The following ATE1 variants were observed in gnomAD, a reference collection of about 807,000 sequenced individuals.
ATE1 encodes arginyl-tRNA--protein transferase 1.
A neutral mutation model predicts 70.5 loss-of-function variants in ATE1; 36 were observed. The ratio of observed to expected loss-of-function variants is 0.51; its 90% CI spans 0.39 to 0.67. ATE1 has a LOEUF of 0.67. Ranked by LOEUF, ATE1 falls within the 30% of genes least tolerant of loss-of-function variation. The pLI, the probability that ATE1 is intolerant of heterozygous loss-of-function variation, is 0.00. For synonymous variants in ATE1, 232 were observed against 219.3 expected (o/e 1.06, Z -0.51); for missense variants, 593 against 629.5 (o/e 0.94, Z 0.62).
intron 11 of ATE1, among the ~76,000 whole-genome samples, chr10:121,770,566 T>C (rs1590250962): frequency 6.6e-6 from 1 of 152,258 alleles, no homozygotes; most frequent in Non-Finnish European, 1.5e-5. Context: ...TAAAGACGAA[T>C]TACTTCTTTG....
intron 3 of ATE1, among the ~76,000 whole-genome samples, chr10:121,916,628 G>C (rs1408502228): frequency 6.6e-6 from 1 of 152,140 alleles, no homozygotes; most frequent in Non-Finnish European, 1.5e-5. Flanking sequence ...GAGGTCAGGA[G>C]ATCAACACCA....
intron 10 of ATE1, among the ~76,000 whole-genome samples, chr10:121,825,684 A>C (rs1205510691): frequency 6.6e-6 from 1 of 152,198 alleles, no homozygotes; most frequent in Non-Finnish European, 1.5e-5. Flanking sequence ...AGAAAATAAC[A>C]AGTGCTGGTG....
chr10:121,780,239 C>T (rs1208585139), intron 11 of ATE1, among the ~76,000 whole-genome samples: 3 of 152,202 alleles, frequency 2.0e-5, no homozygotes, highest in Admixed American at 2.0e-4. Flanking sequence ...AAACCTGCTC[C>T]ACCTCCTGTT....
At chr10:121,770,477 T>C (rs372894131) in intron 11 of ATE1, among the ~76,000 whole-genome samples, 47 of 152,330 alleles carry the variant, frequency 3.1e-4, no homozygotes, top group Non-Finnish European at 5.7e-4. Context: ...AGCAAAACTA[T>C]AGCGTTTTAT....
At chr10:121,778,252 T>C (rs931112048) in intron 11 of ATE1, among the ~76,000 whole-genome samples, 8 of 152,166 alleles carry the variant, frequency 5.3e-5, no homozygotes, top group Admixed American at 2.0e-4. Flanking sequence ...GATCTTTTAG[T>C]GGGGTATGAA....
intron 7 of ATE1, among the ~76,000 whole-genome samples, chr10:121,893,345 G>A (rs971807552): frequency 6.6e-6 from 1 of 151,510 alleles, no homozygotes; most frequent in East Asian, 1.9e-4. Flanking sequence ...ACAATAACAT[G>A]GAGAAAATTA....
intron 1 of ATE1, 30 bp downstream of exon 1, chr10:121,927,814 T>C (rs1014879182): frequency 5.2e-6 from 8 of 1,536,150 alleles, no homozygotes; most frequent in Non-Finnish European, 6.1e-6. Flanking sequence ...GGCGCCCGGC[T>C]TCCCACGCCC....
At chr10:121,778,616 G>A (rs1356209711) in intron 11 of ATE1, among the ~76,000 whole-genome samples, 6 of 124,606 alleles carry the variant, frequency 4.8e-5, no homozygotes, top group East Asian at 2.6e-4. Flanking sequence ...CTGCTCTGTC[G>A]CCCAGGCTGG....
At chr10:121,789,839 C>T (rs1000649025) in intron 11 of ATE1, among the ~76,000 whole-genome samples, 1 of 152,090 alleles carries the variant, frequency 6.6e-6, no homozygotes, top group African/African-American at 2.4e-5. Flanking sequence ...CTAAATAATC[C>T]ATCTAGCAGA....
chr10:121,914,299 T>C (rs1168018328), intron 3 of ATE1, among the ~76,000 whole-genome samples: 1 of 151,930 alleles, frequency 6.6e-6, no homozygotes, highest in East Asian at 1.9e-4. Flanking sequence ...ACTCCTGAAC[T>C]CGTGATCCAC....
intron 10 of ATE1, among the ~76,000 whole-genome samples, chr10:121,801,659 T>C (rs1361059134): frequency 1.3e-5 from 2 of 152,226 alleles, no homozygotes; most frequent in Non-Finnish European, 2.9e-5. Flanking sequence ...GCATTCACCA[T>C]GTTTGTAAGA....
intron 7 of ATE1, 126 bp from the exon 8 acceptor site, chr10:121,870,164 T>A: frequency 2.3e-6 from 2 of 869,204 alleles, no homozygotes; most frequent in Non-Finnish European, 3.6e-6. Flanking sequence ...CCAAAGATTA[T>A]AGAAAATTAA....
intron 3 of ATE1, among the ~76,000 whole-genome samples, chr10:121,919,949 C>G (rs936829463): frequency 6.6e-6 from 1 of 152,100 alleles, no homozygotes; most frequent in African/African-American, 2.4e-5. Context: ...TCCCTTTGGG[C>G]AGGAGGCCAG....
chr10:121,750,132 T>G (rs1006168062), intron 11 of ATE1, among the ~76,000 whole-genome samples: 1 of 152,172 alleles, frequency 6.6e-6, no homozygotes, highest in Non-Finnish European at 1.5e-5. Flanking sequence ...CTCCAAATCC[T>G]TACAAAACCC....
At chr10:121,801,646 T>C (rs148694179) in intron 10 of ATE1, among the ~76,000 whole-genome samples, 3 of 152,294 alleles carry the variant, frequency 2.0e-5, no homozygotes, top group Admixed American at 2.0e-4. Flanking sequence ...ATATATAAAT[T>C]TGGCATTCAC....
rs115627024 is a variant in ATE1 at position 121,900,249 on chromosome 10, T to A, written c.814-255A>T. Among the ~76,000 whole-genome samples, 1,129 of 152,324 alleles carry A rather than the reference T, an allele frequency of 7.4e-3. 21 individuals are homozygous for A. Among genetic ancestry groups the A allele is most frequent in the African/African-American group, 0.026 (1,083 of 41,570 alleles). ...CTTTCATGACTGAATTATGTAAGCC[T>A]GCCTCTACTGTAAACTGGCAGAGTA... is the stretch of plus-strand genomic sequence containing the variant. On this transcript the variant is annotated intron_variant, in intron 6 of 11. Coordinates refer to ENST00000224652, the MANE Select transcript of ATE1 (RefSeq NM_001001976.3).
At chr10:121,808,440 C>G (rs1947186056) in intron 10 of ATE1, among the ~76,000 whole-genome samples, 1 of 152,098 alleles carries the variant, frequency 6.6e-6, no homozygotes, top group Non-Finnish European at 1.5e-5. Flanking sequence ...ATCCCAGGAT[C>G]GAGGAGGACT....
chr10:121,913,058 T>G (rs1951508078), intron 4 of ATE1, among the ~76,000 whole-genome samples: 1 of 152,122 alleles, frequency 6.6e-6, no homozygotes, highest in South Asian at 2.1e-4. Flanking sequence ...TTTTTGTATT[T>G]TTAGTAGAGA....
At chr10:121,749,259 T>C (rs1310102851) in intron 11 of ATE1, among the ~76,000 whole-genome samples, 2 of 152,246 alleles carry the variant, frequency 1.3e-5, no homozygotes, top group Non-Finnish European at 2.9e-5. Flanking sequence ...TGTAGTTACA[T>C]TAATTCAAAC....
Sources: allele counts gnomAD v4.1 joint callset (sites outside exome capture counted in the v4.1 genomes callset), GRCh38; gene constraint gnomAD v4.1.1; transcripts MANE v1.5; gene names NCBI Gene and HGNC (gene_info 2026-07-23, HGNC 2026-07-21).